The following ARHGAP28 variants were observed in gnomAD, a reference collection of about 807,000 sequenced individuals.
ARHGAP28 encodes the protein rho GTPase-activating protein 28.
A neutral mutation model predicts 90.7 loss-of-function variants in ARHGAP28; 56 were observed. That is an observed-to-expected ratio of 0.62 (90% confidence interval 0.50 to 0.77). ARHGAP28 has a LOEUF of 0.77. Ranked by LOEUF, ARHGAP28 falls within the 30% of genes least tolerant of loss-of-function variation. ARHGAP28 has a pLI of 0.00. For synonymous variants in ARHGAP28, 308 were observed against 323.3 expected, an observed-to-expected ratio of 0.95 and a Z score of 0.51; for missense variants, 869 against 900.9, an observed-to-expected ratio of 0.96 and a Z score of 0.45.
intron 16 of ARHGAP28, chr18:6,898,356 A>G: frequency 1.5e-6 from 1 of 645,832 alleles, no homozygotes; most frequent in Non-Finnish European, 2.6e-6. Context: ...ATCAAGTTGT[A>G]TACTTCTGAC....
intron 11 of ARHGAP28, among the ~76,000 whole-genome samples, chr18:6,884,380 G>GA (rs1033762532): frequency 2.6e-5 from 4 of 151,732 alleles, no homozygotes; most frequent in African/African-American, 7.2e-5. Flanking sequence ...TCTCAAAAAA[G>GA]AAAAAAAAGT....
intron 1 of ARHGAP28, among the ~76,000 whole-genome samples, chr18:6,740,971 A>G (rs537643562): frequency 5.9e-5 from 9 of 152,330 alleles, no homozygotes; most frequent in African/African-American, 1.9e-4. Context: ...GCCAACAGCA[A>G]GGAAAACATG....
chr18:6,742,149 T>A (rs975059983), intron 1 of ARHGAP28, among the ~76,000 whole-genome samples: 3 of 149,626 alleles, frequency 2.0e-5, no homozygotes, highest in Non-Finnish European at 4.5e-5. Flanking sequence ...CTTGGTTTTC[T>A]TTTTTTCTTT....
intron 12 of ARHGAP28, among the ~76,000 whole-genome samples, 191 bp downstream of exon 12, chr18:6,887,430 GTT>G (rs10651246): frequency 2.2e-5 from 3 of 138,134 alleles, no homozygotes; most frequent in Admixed American, 7.3e-5. Flanking sequence ...TTGGTATCTT[GTT>G]TTTTTTTTTT....
At chr18:6,832,533 T>G (rs1303783156) in intron 2 of ARHGAP28, among the ~76,000 whole-genome samples, 1 of 152,018 alleles carries the variant, frequency 6.6e-6, no homozygotes, top group Non-Finnish European at 1.5e-5. Context: ...TGTCTATTTT[T>G]TCCTTTTGTT....
chr18:6,746,645 A>G (rs1324469688), intron 1 of ARHGAP28, among the ~76,000 whole-genome samples: 1 of 152,246 alleles, frequency 6.6e-6, no homozygotes, highest in Non-Finnish European at 1.5e-5. Flanking sequence ...ACTGAGTCTC[A>G]GAGTAGTAAC....
At chr18:6,801,290 C>T (rs1242643373) in intron 1 of ARHGAP28, among the ~76,000 whole-genome samples, 1 of 152,056 alleles carries the variant, frequency 6.6e-6, no homozygotes, top group Non-Finnish European at 1.5e-5. Context: ...AGTTAGCTGC[C>T]TTTGCACCTT....
chr18:6,872,999 A>G (rs539625175), intron 7 of ARHGAP28, among the ~76,000 whole-genome samples: 15 of 152,254 alleles, frequency 9.9e-5, no homozygotes, highest in Admixed American at 9.2e-4. Context: ...AAGGAAAAAA[A>G]AAACATATGT....
At chr18:6,778,894 T>C (rs2056304211) in intron 1 of ARHGAP28, 1 of 152,210 alleles carries the variant, frequency 6.6e-6, no homozygotes, top group South Asian at 2.1e-4. Context: ...GTTCATTCTA[T>C]TGGATTTGGA....
chr18:6,870,225 A>G (rs2057072473), intron 6 of ARHGAP28, among the ~76,000 whole-genome samples: 1 of 152,264 alleles, frequency 6.6e-6, no homozygotes, highest in Admixed American at 6.5e-5. Context: ...TACCCGTAAC[A>G]GTGACATTGG....
intron 14 of ARHGAP28, among the ~76,000 whole-genome samples, chr18:6,891,918 C>G (rs758628422): frequency 6.6e-6 from 1 of 151,852 alleles, no homozygotes; most frequent in Non-Finnish European, 1.5e-5. Flanking sequence ...AGGATGGATA[C>G]CACTGTGAAA....
At chr18:6,878,379 A>G (rs532372334) in intron 10 of ARHGAP28, among the ~76,000 whole-genome samples, 5 of 150,184 alleles carry the variant, frequency 3.3e-5, no homozygotes, top group Admixed American at 6.6e-5. Flanking sequence ...TAGCATTGGG[A>G]GATATACCTA....
chr18:6,865,578 C>T (rs545799444), intron 5 of ARHGAP28, among the ~76,000 whole-genome samples: 2 of 152,164 alleles, frequency 1.3e-5, no homozygotes, highest in South Asian at 2.1e-4. Context: ...TGGGCAAAAA[C>T]CAAACAGCCA....
At chr18:6,841,173 TC>T (rs2056812765) in intron 3 of ARHGAP28, among the ~76,000 whole-genome samples, 1 of 82,236 alleles carries the variant, frequency 1.2e-5, no homozygotes, top group Non-Finnish European at 2.4e-5. Context: ...CTCTCCTCTC[TC>T]TCTCTCCTCT....
intron 1 of ARHGAP28, among the ~76,000 whole-genome samples, chr18:6,741,380 C>T (rs2055975925): frequency 6.6e-6 from 1 of 152,148 alleles, no homozygotes; most frequent in Non-Finnish European, 1.5e-5. Flanking sequence ...TGCTGAGTTG[C>T]AGAAAGCTGC....
At chr18:6,735,920 G>A (rs1411988649) in intron 1 of ARHGAP28, among the ~76,000 whole-genome samples, 1 of 152,194 alleles carries the variant, frequency 6.6e-6, no homozygotes, top group Non-Finnish European at 1.5e-5. Flanking sequence ...GCATCATACA[G>A]CGGGTATGCG....
intron 14 of ARHGAP28, among the ~76,000 whole-genome samples, 165 bp from the exon 15 acceptor site, chr18:6,894,670 G>C (rs571739741): frequency 1.3e-5 from 2 of 152,248 alleles, no homozygotes; most frequent in African/African-American, 4.8e-5. Flanking sequence ...ATATTTATAG[G>C]ATAAATGCAT....
chr18:6,746,399 G>T (rs1210488384), intron 1 of ARHGAP28, among the ~76,000 whole-genome samples: 1 of 152,146 alleles, frequency 6.6e-6, no homozygotes, highest in Non-Finnish European at 1.5e-5. Context: ...AACCAATAGG[G>T]TTGATTGTGT....
rs1272793598 is a variant in ARHGAP28 at position 6,896,575 on chromosome 18, A to G, written c.1979A>G (p.Asn660Ser). Residue 660 changes from asparagine to serine, a missense_variant, in exon 16 of 18, where the codon AAC becomes AGC. Coordinates refer to ENST00000383472, the MANE Select transcript of ARHGAP28 (RefSeq NM_001366230.1). ...LSKVSMAIQL[N>S]NQTKAKDILA... ...AAGGTGTCCATGGCCATTCAACTCAACAATCAAACCAAAGCCAAAGACATA... is the reference window on the plus strand; with the variant it reads ...AAGGTGTCCATGGCCATTCAACTCAGCAATCAAACCAAAGCCAAAGACATA... The G allele has an allele frequency of 6.2e-7, 1 of 1,614,212 alleles. No homozygotes were observed. The highest frequency in any genetic ancestry group is 8.5e-7 in the Non-Finnish European group (1 of 1,180,024).
Sources: allele counts gnomAD v4.1 joint callset (sites outside exome capture counted in the v4.1 genomes callset), GRCh38; gene constraint gnomAD v4.1.1; transcripts MANE v1.5; gene names NCBI Gene and HGNC (gene_info 2026-07-23, HGNC 2026-07-21).